RAB8B: variants seen among roughly 807,000 people sequenced by gnomAD.
RAB8B encodes the protein ras-related protein Rab-8B.
Under a neutral mutation model 32.0 loss-of-function variants are expected in RAB8B, and 11 were observed. The ratio of observed to expected loss-of-function variants is 0.34; its 90% CI spans 0.22 to 0.57. The LOEUF (loss-of-function observed/expected upper bound fraction) is 0.57. Among genes scored for constraint, RAB8B ranks in the 20% least tolerant of loss-of-function variants. The probability of loss-of-function intolerance (pLI) is 0.86; values close to 1 mark genes in which losing one functional copy is unlikely to be tolerated. For synonymous variants in RAB8B, 103 were observed against 89.6 expected (o/e 1.15, Z -0.85); for missense variants, 190 against 258.5 (o/e 0.73, Z 1.82).
intron 1 of RAB8B, among the ~76,000 whole-genome samples, chr15:63,194,896 G>C (rs1204047718): frequency 2.6e-5 from 4 of 152,186 alleles, no homozygotes; most frequent in African/African-American, 9.7e-5. Context: ...TTACTAACTG[G>C]TTCTTTGTAG....
Position 63,266,081 on chromosome 15 carries a change from G to A in RAB8B, c.*2462G>A, listed in dbSNP as rs1013315077. On this transcript the variant is annotated 3_prime_UTR_variant, in exon 8 of 8. Coordinates refer to ENST00000321437, the MANE Select transcript of RAB8B (RefSeq NM_016530.3). Reference sequence around the variant, plus strand: ...ATACAGTGCATTATTTTTTCTATTTGTAGATGAATTTAATGACAGATAATT... The same window carrying A: ...ATACAGTGCATTATTTTTTCTATTTATAGATGAATTTAATGACAGATAATT... The A allele has an allele frequency of 1.3e-5, 2 of 152,474 alleles. No homozygotes were observed. The highest frequency in any genetic ancestry group is 4.8e-5 in the African/African-American group (2 of 41,408). The allele number at this position is 152,474 out of a possible 1,614,324, so 9.4% of individuals were successfully genotyped here.
At position 63,256,489 on chromosome 15, in the gene RAB8B, T is replaced by A. The variant is rs1305006768; in HGVS notation, c.325-16T>A. On this transcript the variant is annotated splice_polypyrimidine_tract_variant and intron_variant, in intron 4 of 7. Transcript: ENST00000321437. ...TTCTCAGGCTGTTTTTATAGCATGC[T>A]ATTTTCTCCCTGCAGCATGCCTCTT... The A allele has an allele frequency of 6.4e-7, 1 of 1,573,860 alleles. No homozygotes were observed. Among genetic ancestry groups the A allele is most frequent in the Non-Finnish European group, 8.6e-7 (1 of 1,162,956 alleles).
At chr15:63,195,997 G>A (rs939176051) in intron 1 of RAB8B, among the ~76,000 whole-genome samples, 1 of 152,224 alleles carries the variant, frequency 6.6e-6, no homozygotes, top group African/African-American at 2.4e-5. Context: ...AGAATGGGAA[G>A]CAGCAGGGTG....
At chr15:63,219,738 A>G (rs2037827678) in intron 1 of RAB8B, among the ~76,000 whole-genome samples, 1 of 152,214 alleles carries the variant, frequency 6.6e-6, no homozygotes, top group Non-Finnish European at 1.5e-5. Flanking sequence ...TGGAGGCTGT[A>G]TTTGATCAGA....
chr15:63,220,172 C>T (rs1384999625), intron 1 of RAB8B, among the ~76,000 whole-genome samples: 1 of 152,122 alleles, frequency 6.6e-6, no homozygotes, highest in East Asian at 1.9e-4. Context: ...TTTTAAAAAT[C>T]ACCCGAACCC....
At position 63,242,058 on chromosome 15, in the gene RAB8B, C is replaced by T. The variant is rs183638888; in HGVS notation, c.125-2698C>T. 5.7e-3 allele frequency among the ~76,000 whole-genome samples: 851 copies of T among 150,464 alleles called. 7 individuals carry two copies. Among genetic ancestry groups the T allele is most frequent in the African/African-American group, 0.018 (756 of 41,062 alleles). The stretch of plus-strand genomic sequence containing the variant: ...CATTAGGTTGCTGCAAAAGTAATTG[C>T]GGTTTTTGCCATTCTTAATGGCAAT... On this transcript the variant is annotated intron_variant, in intron 1 of 7. Coordinates refer to ENST00000321437, the MANE Select transcript of RAB8B (RefSeq NM_016530.3).
At chr15:63,197,365 C>CTTTTTTTTT (rs2037610287) in intron 1 of RAB8B, among the ~76,000 whole-genome samples, 2 of 85,570 alleles carry the variant, frequency 2.3e-5, no homozygotes, top group South Asian at 4.4e-4. Context: ...TTCTTTCTTT[C>CTTTTTTTTT]TTTTCTTTTT....
intron 1 of RAB8B, among the ~76,000 whole-genome samples, chr15:63,190,497 G>A (rs1008666219): frequency 1.3e-5 from 2 of 151,996 alleles, no homozygotes; most frequent in African/African-American, 4.8e-5. Flanking sequence ...AGAAGACAGA[G>A]GAGATGGAAA....
At chr15:63,263,503 G>A (rs754485446) in intron 7 of RAB8B, 24 bp from the exon 8 acceptor site, 1 of 1,561,452 alleles carries the variant, frequency 6.4e-7, no homozygotes, top group Non-Finnish European at 8.8e-7. Context: ...TATTTCCTTG[G>A]TAACTTCATC....
intron 1 of RAB8B, among the ~76,000 whole-genome samples, chr15:63,204,026 G>A (rs1002216786): frequency 3.9e-5 from 6 of 152,070 alleles, no homozygotes; most frequent in African/African-American, 1.2e-4. Context: ...AAGTGCTGTG[G>A]TAAAGCATTA....
intron 1 of RAB8B, among the ~76,000 whole-genome samples, chr15:63,208,779 C>T (rs1417048743): frequency 6.6e-6 from 1 of 152,102 alleles, no homozygotes; most frequent in South Asian, 2.1e-4. Context: ...ATGCTCTTTC[C>T]TCAGTGGGAC....
intron 1 of RAB8B, among the ~76,000 whole-genome samples, chr15:63,204,404 C>G (rs751674546): frequency 6.6e-6 from 1 of 152,120 alleles, no homozygotes; most frequent in Non-Finnish European, 1.5e-5. Context: ...GCTGCAGACT[C>G]TCAGGGCATC....
intron 1 of RAB8B, among the ~76,000 whole-genome samples, chr15:63,190,595 G>C (rs2037547883): frequency 1.3e-5 from 2 of 152,190 alleles, no homozygotes; most frequent in Non-Finnish European, 2.9e-5. Flanking sequence ...TCAAGTGCAG[G>C]AGAAAGCAAA....
chr15:63,249,380 G>C (rs1038978316), intron 2 of RAB8B, among the ~76,000 whole-genome samples: 2 of 152,024 alleles, frequency 1.3e-5, no homozygotes, highest in Non-Finnish European at 1.5e-5. Flanking sequence ...GTTCCTAGCA[G>C]GATTTTTCTG....
intron 3 of RAB8B, chr15:63,251,199 A>C (rs1207560937): frequency 4.5e-6 from 2 of 440,704 alleles, no homozygotes; most frequent in African/African-American, 4.1e-5. Flanking sequence ...GCCACTTTCT[A>C]TTTTGCTTAG....
intron 1 of RAB8B, among the ~76,000 whole-genome samples, chr15:63,213,247 A>G (rs2037762111): frequency 6.6e-6 from 1 of 152,196 alleles, no homozygotes; most frequent in South Asian, 2.1e-4. Flanking sequence ...TCCTTCAAAT[A>G]AAATCTGATA....
intron 1 of RAB8B, among the ~76,000 whole-genome samples, chr15:63,238,925 G>A (rs1049541877): frequency 2.0e-5 from 3 of 152,300 alleles, no homozygotes; most frequent in African/African-American, 7.2e-5. Context: ...ACTTGTTGGA[G>A]GCTTTGGGGA....
At chr15:63,201,466 T>C (rs552834728) in intron 1 of RAB8B, among the ~76,000 whole-genome samples, 1 of 152,268 alleles carries the variant, frequency 6.6e-6, no homozygotes, top group East Asian at 1.9e-4. Context: ...CTTGTTTGGC[T>C]GAAGCCTCAG....
At chr15:63,242,446 G>A (rs975455476) in intron 1 of RAB8B, among the ~76,000 whole-genome samples, 17 of 152,190 alleles carry the variant, frequency 1.1e-4, no homozygotes, top group Non-Finnish European at 1.9e-4. Context: ...AGGCCGAGGC[G>A]GGTGGATCAC....
Sources: allele counts gnomAD v4.1 joint callset (sites outside exome capture counted in the v4.1 genomes callset), GRCh38; gene constraint gnomAD v4.1.1; transcripts MANE v1.5; gene names NCBI Gene and HGNC (gene_info 2026-07-23, HGNC 2026-07-21).